Variants in FAM209A observed in about 807,000 individuals in gnomAD.
The protein encoded by FAM209A is protein FAM209A.
In FAM209A, 4 loss-of-function variants were observed where a neutral mutation model predicts 9.8. The observed-to-expected ratio is 0.41, with a 90% CI of 0.20 to 0.94. FAM209A has a LOEUF of 0.94. Among genes scored for constraint, FAM209A ranks in the 40% least tolerant of loss-of-function variants. The pLI is 0.32. For missense variants in FAM209A, 205 were observed against 209.4 expected (o/e 0.98, Z 0.13); for synonymous variants, 55 against 77.8 (o/e 0.71, Z 1.54).
At chr20:56,530,663 A>ATTTTTTTTTT (rs34007542), downstream of FAM209A, among the ~76,000 whole-genome samples, 1 of 138,226 alleles carries the variant, frequency 7.2e-6, no homozygotes, top group Non-Finnish European at 1.5e-5. Flanking sequence ...CACTCAGCTA[A>ATTTTTTTTTT]TTTTTTTTTT....
the FAM209A span, chr20:56,533,547 C>G: frequency 6.2e-7 from 1 of 1,614,094 alleles, no homozygotes; most frequent in East Asian, 2.2e-5. Context: ...GCTGTTGTGC[C>G]GTTTGTGATA....
chr20:56,525,119 G>C, intron 1 of FAM209A, 62 bp downstream of exon 1: 9 of 1,593,242 alleles, frequency 5.6e-6, no homozygotes, highest in Non-Finnish European at 7.7e-6. Context: ...TCAGGGAAAC[G>C]GATGTTCTAG....
chr20:56,533,394 A>G, the FAM209A span: 425 of 1,614,078 alleles, frequency 2.6e-4, 1 homozygote, highest in African/African-American at 5.1e-3. Flanking sequence ...ACCTGCAGCT[A>G]TGCCTTTATG....
rs1353037965 is a variant in FAM209A, at chr20:56,524,753, G to A, written c.-56G>A. 6.2e-7 allele frequency: 1 copy of A among 1,601,976 alleles called. No individual in the cohort carries two copies. The highest frequency in any genetic ancestry group is 1.3e-5 in the African/African-American group (1 of 74,724). ...CTGGCACCAGGTGCCCAGTCTCCCAGTTGCGAGGGCAAGCAAACCCGTCAT... is the reference window on the plus strand; with the variant it reads ...CTGGCACCAGGTGCCCAGTCTCCCAATTGCGAGGGCAAGCAAACCCGTCAT... On this transcript the variant is annotated 5_prime_UTR_variant, in exon 1 of 2. Transcript: ENST00000371328.
the FAM209A span, among the ~76,000 whole-genome samples, chr20:56,532,701 C>G: frequency 1.3e-5 from 2 of 151,880 alleles, no homozygotes; most frequent in African/African-American, 4.8e-5. Flanking sequence ...ACAGGATGGT[C>G]TCGATCTCTT....
chr20:56,527,857 A>T (rs1398746611), downstream of FAM209A, among the ~76,000 whole-genome samples: 1 of 152,250 alleles, frequency 6.6e-6, no homozygotes, highest in Non-Finnish European at 1.5e-5. Context: ...CTGTAATCCC[A>T]GCACTTTGGG....
At chr20:56,532,480 C>CTTTTTTTTTTTTTTTTTTTT in the FAM209A span, among the ~76,000 whole-genome samples, 3 of 108,258 alleles carry the variant, frequency 2.8e-5, no homozygotes, top group East Asian at 6.9e-4. Flanking sequence ...TTTTCTTTTT[C>CTTTTTTTTTTTTTTTTTTTT]TTTTTTTTTT....
intron 1 of FAM209A, 44 bp from the exon 2 acceptor site, chr20:56,525,760 A>G (rs764631969): frequency 3.8e-5 from 61 of 1,590,456 alleles, no homozygotes; most frequent in Non-Finnish European, 5.0e-5. Context: ...GTCAAAACCA[A>G]CAAAGTTCAC....
chr20:56,532,945 T>G, the FAM209A span, among the ~76,000 whole-genome samples: 1 of 152,168 alleles, frequency 6.6e-6, no homozygotes. Flanking sequence ...TTTAATATCT[T>G]TCTCTCCCAT....
rs946129439 is a variant in FAM209A, at chr20:56,525,102, A to G, written c.249+45A>G. The G allele has an allele frequency of 1.9e-6, 3 of 1,599,702 alleles. No individual in the cohort carries two copies. In the African/African-American group the frequency reaches 4.0e-5, roughly 21 times the overall value. On this transcript the variant is annotated intron_variant, in intron 1 of 1. Transcript: ENST00000371328. ...TTTTACACCATATTGATTCAATCTCAGGAGTCTCAGGGAAACGGATGTTCT... is the reference window on the plus strand; with the variant it reads ...TTTTACACCATATTGATTCAATCTCGGGAGTCTCAGGGAAACGGATGTTCT...
At chr20:56,528,667 G>A (rs1365766397), downstream of FAM209A, among the ~76,000 whole-genome samples, 3 of 151,984 alleles carry the variant, frequency 2.0e-5, no homozygotes, top group African/African-American at 7.2e-5. Flanking sequence ...CTCTCTCTCT[G>A]ACTTTCTGTC....
chr20:56,525,164 G>A (rs2146395325), intron 1 of FAM209A, 107 bp downstream of exon 1: 4 of 1,475,232 alleles, frequency 2.7e-6, no homozygotes, highest in African/African-American at 1.4e-5. Flanking sequence ...ATAATGAACC[G>A]ACCTCATGGT....
At chr20:56,525,697 G>T in intron 1 of FAM209A, 107 bp from the exon 2 acceptor site, 1 of 1,134,082 alleles carries the variant, frequency 8.8e-7, no homozygotes, top group Non-Finnish European at 1.3e-6. Flanking sequence ...CAGCTTTGTG[G>T]GCAGTATGGT....
chr20:56,527,576 G>A (rs956158048), downstream of FAM209A, among the ~76,000 whole-genome samples: 12 of 152,356 alleles, frequency 7.9e-5, 1 homozygote, highest in South Asian at 4.1e-4. Context: ...CCGGTACCCA[G>A]TTGACCAGTG....
At chr20:56,532,771 C>T in the FAM209A span, among the ~76,000 whole-genome samples, 4 of 152,188 alleles carry the variant, frequency 2.6e-5, no homozygotes, top group Admixed American at 6.5e-5. Flanking sequence ...CGTGAGCTGC[C>T]GCGCCCGGCC....
Position 56,526,130 on chromosome 20 carries a change from T to G in FAM209A, c.*60T>G. ...TGTTGACAAACTGTATGCAAACTAATAAAACTATTCTGAAGAAAAGAACTT... is the reference window on the plus strand; with the variant it reads ...TGTTGACAAACTGTATGCAAACTAAGAAAACTATTCTGAAGAAAAGAACTT... On this transcript the variant is annotated 3_prime_UTR_variant, in exon 2 of 2. Transcript: ENST00000371328. The G allele has an allele frequency of 2.7e-6, 4 of 1,509,136 alleles. No individual in the cohort carries two copies. The highest frequency in any genetic ancestry group is 3.5e-6 in the Non-Finnish European group (4 of 1,131,774). 93.5% of individuals were successfully genotyped at this position (1,509,136 alleles called of 1,614,324 possible). A position where few individuals can be genotyped will look rare whatever the true frequency, so the allele number is the denominator to read the frequency against.
At chr20:56,533,542 T>C in the FAM209A span, 2 of 1,614,050 alleles carry the variant, frequency 1.2e-6, no homozygotes, top group East Asian at 4.5e-5. Context: ...TGTTTGCTGT[T>C]GTGCCGTTTG....
chr20:56,525,111 A>G (rs1334193982), intron 1 of FAM209A, 54 bp downstream of exon 1: 1 of 1,597,242 alleles, frequency 6.3e-7, no homozygotes, highest in African/African-American at 1.3e-5. Context: ...CAGGAGTCTC[A>G]GGGAAACGGA....
chr20:56,531,874 C>T, the FAM209A span, among the ~76,000 whole-genome samples: 6 of 152,096 alleles, frequency 3.9e-5, no homozygotes. Flanking sequence ...GGTGATCTGC[C>T]CACCCTGGCC....
Sources: gnomAD v4.1 joint callset for allele counts (sites outside exome capture counted in the v4.1 genomes callset) on GRCh38, gnomAD v4.1.1 for gene constraint, MANE v1.5 for transcripts, NCBI Gene and HGNC (gene_info 2026-07-23, HGNC 2026-07-21) for gene names.